GRM7: variants seen among roughly 807,000 people sequenced by gnomAD.
The protein encoded by GRM7 is metabotropic glutamate receptor 7.
GRM7 carries 35 observed loss-of-function variants against 84.5 expected under a neutral mutation model. That is an observed-to-expected ratio of 0.41 (90% CI 0.32 to 0.55). The LOEUF (loss-of-function observed/expected upper bound fraction) is 0.55. Among genes scored for constraint, GRM7 ranks in the 20% least tolerant of loss-of-function variants. The pLI is 0.19. For missense variants in GRM7, 1,003 were observed against 1,194.6 expected (o/e 0.84, Z 2.36); for synonymous variants, 487 against 455.1 (o/e 1.07, Z -0.89).
intron 8 of GRM7, among the ~76,000 whole-genome samples, chr3:7,627,830 GTC>G (rs1430555081): frequency 6.6e-6 from 1 of 152,064 alleles, no homozygotes; most frequent in Non-Finnish European, 1.5e-5. Context: ...GTGTATCTGC[GTC>G]CAAATTTCTT....
intron 1 of GRM7, among the ~76,000 whole-genome samples, chr3:7,140,953 C>T (rs144947574): frequency 2.0e-5 from 3 of 151,854 alleles, no homozygotes; most frequent in Middle Eastern, 3.4e-3. Context: ...AAAGAAATGT[C>T]CTACAAGTTC....
chr3:7,645,078 C>T (rs555474192), intron 8 of GRM7, among the ~76,000 whole-genome samples: 2 of 152,236 alleles, frequency 1.3e-5, no homozygotes, highest in African/African-American at 4.8e-5. Context: ...TACCCAAAAG[C>T]TCTGGCTGTC....
chr3:6,863,702 G>A lies in GRM7; in HGVS notation c.519+1795G>A, dbSNP rs1694842233. On this transcript the variant is annotated intron_variant, in intron 1 of 9. Coordinates refer to ENST00000357716, the MANE Select transcript of GRM7 (RefSeq NM_000844.4). The surrounding 1 kb of genome is among the most constrained non-coding windows in gnomAD (Gnocchi z 4.8). ...AGGTAGCAGTGCAGCGGGAGAGGAT[G>A]AGGTCAGAGACATTACCTGAGAACC... is the stretch of plus-strand genomic sequence containing the variant. Among the ~76,000 whole-genome samples the A allele has an allele frequency of 1.3e-5, 2 of 152,204 alleles. No individual in the cohort carries two copies. Among genetic ancestry groups the A allele is most frequent in the Admixed American group, 1.3e-4 (2 of 15,278 alleles).
At chr3:6,871,370 T>G (rs997156223) in intron 1 of GRM7, among the ~76,000 whole-genome samples, 1 of 152,138 alleles carries the variant, frequency 6.6e-6, no homozygotes, top group Non-Finnish European at 1.5e-5. Flanking sequence ...TCATTAAACT[T>G]AGTTGAAAAT....
chr3:7,171,998 C>T (rs770859006), intron 2 of GRM7, among the ~76,000 whole-genome samples: 21 of 152,180 alleles, frequency 1.4e-4, no homozygotes, highest in Non-Finnish European at 1.8e-4. Flanking sequence ...AACATAATCT[C>T]GCTAGAAATA....
intron 1 of GRM7, among the ~76,000 whole-genome samples, chr3:7,073,942 T>TA (rs1697972920): frequency 6.7e-6 from 1 of 150,240 alleles, no homozygotes. Flanking sequence ...CACAAAGATA[T>TA]AAATGAGGAT....
At chr3:6,936,479 C>T (rs1575036236) in intron 1 of GRM7, among the ~76,000 whole-genome samples, 1 of 152,276 alleles carries the variant, frequency 6.6e-6, no homozygotes. Context: ...CTGAGGGTAA[C>T]TTGTTATTCC....
intron 7 of GRM7, among the ~76,000 whole-genome samples, chr3:7,517,462 G>T (rs576740523): frequency 6.6e-6 from 1 of 152,006 alleles, no homozygotes; most frequent in African/African-American, 2.4e-5. Context: ...GCATGATCTC[G>T]GCTCACTGCA....
chr3:7,136,747 A>G (rs1218773661), intron 1 of GRM7, among the ~76,000 whole-genome samples: 2 of 152,122 alleles, frequency 1.3e-5, no homozygotes, highest in Admixed American at 1.3e-4. Flanking sequence ...CATTTCTTCA[A>G]TGAATACTGA....
At chr3:7,580,309 A>G (rs188075606) in intron 8 of GRM7, among the ~76,000 whole-genome samples, 2 of 152,320 alleles carry the variant, frequency 1.3e-5, no homozygotes, top group African/African-American at 4.8e-5. Context: ...GTTCTAACTG[A>G]CATACTCTGC....
At chr3:7,372,679 G>GT (rs1253289885) in intron 4 of GRM7, among the ~76,000 whole-genome samples, 2 of 152,048 alleles carry the variant, frequency 1.3e-5, no homozygotes, top group Non-Finnish European at 2.9e-5. Flanking sequence ...CACCAAACAG[G>GT]TATCAGATCG....
intron 1 of GRM7, among the ~76,000 whole-genome samples, chr3:6,954,310 A>T (rs531487495): frequency 1.3e-5 from 2 of 152,160 alleles, no homozygotes; most frequent in Non-Finnish European, 2.9e-5. Context: ...TCTATCAAAC[A>T]TTCAAACTTT....
chr3:7,351,228 T>C (rs1693125682), intron 4 of GRM7, among the ~76,000 whole-genome samples: 1 of 150,724 alleles, frequency 6.6e-6, no homozygotes, highest in African/African-American at 2.4e-5. Context: ...ATGGAAGACA[T>C]GCATCTTGTG....
chr3:7,658,605 C>A (rs1003150008), intron 8 of GRM7, among the ~76,000 whole-genome samples: 4 of 152,126 alleles, frequency 2.6e-5, no homozygotes, highest in African/African-American at 9.7e-5. Context: ...GTTAACGATA[C>A]CCTCTGTGAA....
intron 7 of GRM7, among the ~76,000 whole-genome samples, chr3:7,477,660 ATGTG>A (rs1216277906): frequency 6.6e-6 from 1 of 152,008 alleles, no homozygotes; most frequent in Non-Finnish European, 1.5e-5. Flanking sequence ...TTTCTCTTTG[ATGTG>A]ATCAACGCGA....
chr3:7,423,089 C>T (rs753575053), intron 5 of GRM7, among the ~76,000 whole-genome samples: 4 of 152,026 alleles, frequency 2.6e-5, no homozygotes, highest in Admixed American at 6.6e-5. Flanking sequence ...CTTCAGCCAC[C>T]AACTCTTCAA....
chr3:6,906,397 C>G (rs1457891705), intron 1 of GRM7, among the ~76,000 whole-genome samples: 1 of 152,090 alleles, frequency 6.6e-6, no homozygotes, highest in African/African-American at 2.4e-5. Flanking sequence ...AACATCCTAT[C>G]ACATTATTTT....
chr3:7,316,342 AT>A (rs1204969870), intron 4 of GRM7, among the ~76,000 whole-genome samples: 2 of 152,228 alleles, frequency 1.3e-5, no homozygotes, highest in Admixed American at 1.3e-4. Flanking sequence ...AAAGGATCAT[AT>A]TGGCTATTAG....
intron 1 of GRM7, among the ~76,000 whole-genome samples, chr3:6,912,874 T>G (rs1189454289): frequency 6.6e-6 from 1 of 152,198 alleles, no homozygotes; most frequent in Non-Finnish European, 1.5e-5. Context: ...AAAACCACAT[T>G]TTCTGTTGTG....
Sources: gnomAD v4.1 joint callset for allele counts (sites outside exome capture counted in the v4.1 genomes callset) on GRCh38, gnomAD v4.1.1 for gene constraint, Gnocchi (gnomAD v3.1) non-coding constraint, MANE v1.5 for transcripts, NCBI Gene and HGNC (gene_info 2026-07-23, HGNC 2026-07-21) for gene names.